Variants in SHANK2 observed in about 807,000 individuals in gnomAD.
SHANK2 encodes SH3 and multiple ankyrin repeat domains protein 2.
SHANK2 carries 43 observed loss-of-function variants against 133.7 expected under a neutral mutation model. That is an observed-to-expected ratio of 0.32 (90% confidence interval 0.25 to 0.41). SHANK2 has a LOEUF of 0.41. Ranked by LOEUF, SHANK2 falls within the 10% of genes least tolerant of loss-of-function variation. The pLI, the probability that SHANK2 is intolerant of heterozygous loss-of-function variation, is 1.00. For synonymous variants in SHANK2, 1,017 were observed against 952.8 expected (o/e 1.07, Z -1.24); for missense variants, 1,994 against 2,235.8 (o/e 0.89, Z 2.18).
chr11:70,573,557 G>GGGGGGT (rs1554983581), intron 17 of SHANK2, among the ~76,000 whole-genome samples: 3 of 132,010 alleles, frequency 2.3e-5, no homozygotes, highest in Non-Finnish European at 3.3e-5. Context: ...GGCGGGGGGG[G>GGGGGGT]GGTGGGGCAT....
At chr11:70,562,210 C>T (rs1369169766) in intron 17 of SHANK2, among the ~76,000 whole-genome samples, 1 of 152,170 alleles carries the variant, frequency 6.6e-6, no homozygotes, top group East Asian at 1.9e-4. Context: ...GTTTTATGGA[C>T]TAAAATATGG....
chr11:70,940,833 T>C (rs1468787061), intron 10 of SHANK2, among the ~76,000 whole-genome samples: 1 of 151,972 alleles, frequency 6.6e-6, no homozygotes, highest in Non-Finnish European at 1.5e-5. Flanking sequence ...AAGGAAAAAA[T>C]GGCTGAAAAA....
At chr11:70,702,635 CT>C (rs1168163873) in intron 14 of SHANK2, among the ~76,000 whole-genome samples, 1 of 152,238 alleles carries the variant, frequency 6.6e-6, no homozygotes, top group Non-Finnish European at 1.5e-5. Context: ...ATCATCATCA[CT>C]GCAGCAGAAG....
chr11:70,762,429 G>T (rs1233153079), intron 14 of SHANK2, among the ~76,000 whole-genome samples: 4 of 152,124 alleles, frequency 2.6e-5, no homozygotes, highest in African/African-American at 4.8e-5. Flanking sequence ...CAGTGGTGGG[G>T]GCGCCTCTTT....
At chr11:70,513,269 G>A (rs1276575271) in intron 17 of SHANK2, among the ~76,000 whole-genome samples, 1 of 152,060 alleles carries the variant, frequency 6.6e-6, no homozygotes, top group East Asian at 1.9e-4. Flanking sequence ...GAGAACTCCA[G>A]AAAAGAGAGA....
At chr11:70,867,628 G>A (rs977332249) in intron 11 of SHANK2, among the ~76,000 whole-genome samples, 5 of 152,176 alleles carry the variant, frequency 3.3e-5, no homozygotes, top group Non-Finnish European at 5.9e-5. Flanking sequence ...GAGAATCGAC[G>A]CTATAGATTT....
chr11:70,793,211 T>C (rs1157938736), intron 14 of SHANK2, among the ~76,000 whole-genome samples: 1 of 152,240 alleles, frequency 6.6e-6, no homozygotes, highest in East Asian at 1.9e-4. Flanking sequence ...TACATGTGGA[T>C]TTTTCAACTA....
At chr11:70,698,914 T>C in intron 14 of SHANK2, 151 bp from the exon 15 acceptor site, 1 of 690,958 alleles carries the variant, frequency 1.4e-6, no homozygotes, top group Non-Finnish European at 2.6e-6. Context: ...AAATGAGGCC[T>C]GGTTCTGGGG....
intron 17 of SHANK2, among the ~76,000 whole-genome samples, chr11:70,601,364 C>T (rs916977484): frequency 6.6e-6 from 1 of 152,030 alleles, no homozygotes; most frequent in African/African-American, 2.4e-5. Flanking sequence ...GGACTACAGG[C>T]GCATGCCACC....
In SHANK2 at chr11:70,890,738, GCA is replaced by G. The variant is rs1555074482; in HGVS notation, c.1174+5761_1174+5762del. ...CGCTTGAACCCAGGAGGCAGAGGCT[GCA>G]GTGAGCCAAGATCGCACCACTGCAT... On this transcript the variant is annotated intron_variant, in intron 11 of 25. Coordinates refer to ENST00000601538, the MANE Select transcript of SHANK2 (RefSeq NM_012309.5). Among the ~76,000 whole-genome samples, 729 of 151,158 alleles carry G rather than the reference GCA, an allele frequency of 4.8e-3. 7 individuals are homozygous for G. Among genetic ancestry groups the G allele is most frequent in the African/African-American group, 0.017 (690 of 41,146 alleles).
At chr11:71,069,379 T>C (rs1231813680) in intron 9 of SHANK2, among the ~76,000 whole-genome samples, 7 of 151,244 alleles carry the variant, frequency 4.6e-5, no homozygotes, top group African/African-American at 1.7e-4. Context: ...GCCTTCATCA[T>C]CAACACCTTC....
chr11:70,932,840 A>G (rs1950520854), intron 10 of SHANK2, among the ~76,000 whole-genome samples: 1 of 151,832 alleles, frequency 6.6e-6, no homozygotes, highest in South Asian at 2.1e-4. Flanking sequence ...TACTACATAG[A>G]AAAAAAAAGG....
In SHANK2 at chr11:71,147,220, G is replaced by A. The variant is rs782758703; in HGVS notation, c.107C>T (p.Thr36Met). Residue 36 changes from threonine (T) to methionine (M), a missense_variant, in exon 3 of 26, where the codon ACG becomes ATG. By Grantham distance (81) the Thr-to-Met change is moderately conservative (BLOSUM62 -1). Transcript: ENST00000601538. Reference sequence around the variant, plus strand: ...CGGCTTCTCCGCAGTGGCCCGGATCGTGTCATAGATGGTCTCTTCTTTGGA... The same window carrying A: ...CGGCTTCTCCGCAGTGGCCCGGATCATGTCATAGATGGTCTCTTCTTTGGA... Reference protein sequence around the residue: ...DSSKEETIYDTIRATAEKPGG... With the variant: ...DSSKEETIYDMIRATAEKPGG... The A allele has an allele frequency of 2.1e-5, 32 of 1,550,738 alleles. No homozygotes were observed. The highest frequency in any genetic ancestry group is 8.3e-5 in the South Asian group (7 of 84,058).
intron 17 of SHANK2, among the ~76,000 whole-genome samples, chr11:70,619,533 G>C (rs2060801990): frequency 6.6e-6 from 1 of 152,208 alleles, no homozygotes; most frequent in Non-Finnish European, 1.5e-5. Context: ...ATTGCAGCAA[G>C]ATCCCTCAGT....
intron 17 of SHANK2, among the ~76,000 whole-genome samples, chr11:70,608,647 A>C (rs2060612469): frequency 6.6e-6 from 1 of 152,190 alleles, no homozygotes; most frequent in African/African-American, 2.4e-5. Context: ...CATCAGCCGC[A>C]GGAGCGCTGC....
chr11:70,513,815 C>A (rs1264080683), intron 17 of SHANK2, among the ~76,000 whole-genome samples: 1 of 151,880 alleles, frequency 6.6e-6, no homozygotes, highest in African/African-American at 2.4e-5. Flanking sequence ...CATATCCAAT[C>A]CAAAGAAGAG....
chr11:70,889,163 G>A (rs935396852), intron 11 of SHANK2, among the ~76,000 whole-genome samples: 5 of 152,130 alleles, frequency 3.3e-5, no homozygotes, highest in Non-Finnish European at 1.5e-5. Context: ...GATCATCCTG[G>A]ATTTAGGGTA....
At chr11:70,659,333 G>C (rs1267249476) in intron 17 of SHANK2, among the ~76,000 whole-genome samples, 2 of 152,130 alleles carry the variant, frequency 1.3e-5, no homozygotes, top group Non-Finnish European at 2.9e-5. Flanking sequence ...GTCTTGGAAG[G>C]CCATCGTCCA....
At chr11:71,090,157 C>A (rs1951481490) in intron 8 of SHANK2, among the ~76,000 whole-genome samples, 1 of 121,912 alleles carries the variant, frequency 8.2e-6, no homozygotes, top group African/African-American at 3.3e-5. Context: ...CCAGGGTTCT[C>A]CAGAGAAACA....
Sources: gnomAD v4.1 joint callset for allele counts (sites outside exome capture counted in the v4.1 genomes callset) on GRCh38, gnomAD v4.1.1 for gene constraint, MANE v1.5 for transcripts, NCBI Gene and HGNC (gene_info 2026-07-23, HGNC 2026-07-21) for gene names.